The following CDC20B variants were observed in gnomAD, a reference collection of about 807,000 sequenced individuals.
CDC20B encodes the protein cell division cycle protein 20 homolog B.
CDC20B carries 58 observed loss-of-function variants against 64.1 expected under a neutral mutation model. That is an observed-to-expected ratio of 0.90 (90% confidence interval 0.73 to 1.13). The LOEUF is 1.13. Ranked by LOEUF, CDC20B falls within the 50% of genes most tolerant of loss-of-function variation. The pLI is 0.00. For synonymous variants in CDC20B, 243 were observed against 230.6 expected, an observed-to-expected ratio of 1.05 and a Z score of -0.49; for missense variants, 597 against 633.0, an observed-to-expected ratio of 0.94 and a Z score of 0.61.
intron 2 of CDC20B, among the ~76,000 whole-genome samples, chr5:55,156,657 C>T (rs192171984): frequency 1.5e-4 from 23 of 152,218 alleles, no homozygotes; most frequent in Admixed American, 1.3e-3. Context: ...GGGCAGCTCA[C>T]GAGATCAGGA....
chr5:55,116,437 C>T (rs534991450), intron 11 of CDC20B, among the ~76,000 whole-genome samples: 16 of 152,164 alleles, frequency 1.1e-4, no homozygotes, highest in African/African-American at 3.6e-4. Flanking sequence ...TAGAACATTA[C>T]TCTAATGCTT....
intron 5 of CDC20B, among the ~76,000 whole-genome samples, chr5:55,138,968 A>C (rs1743257684): frequency 6.6e-6 from 1 of 152,086 alleles, no homozygotes. Context: ...AAAATATTAA[A>C]AAATAATTCA....
rs1254127458 is a variant in CDC20B at position 55,128,499 on chromosome 5, A to G, written c.816T>C (p.Thr272=). 5 of 1,612,228 alleles carry G rather than the reference A, an allele frequency of 3.1e-6. No individual in the cohort carries two copies. Among genetic ancestry groups the G allele is most frequent in the South Asian group, 2.2e-5 (2 of 90,580 alleles). ...AGGACACAGAAGAGATATAGTTACA[A>G]GTGAGACTTAAGTCTATGTTTTCAA... is the stretch of plus-strand genomic sequence containing the variant. The part of the protein sequence containing the change: ...NGIENIDLSL[T]CNYISSVSWI... Residue 272 remains threonine, a synonymous_variant, in exon 7 of 12, where the codon ACT becomes ACC. Coordinates refer to ENST00000381375, the MANE Select transcript of CDC20B (RefSeq NM_001170402.1).
chr5:55,145,312 A>T (rs756082974), intron 3 of CDC20B, among the ~76,000 whole-genome samples: 5 of 152,224 alleles, frequency 3.3e-5, no homozygotes, highest in Non-Finnish European at 7.3e-5. Flanking sequence ...ATTTGAAAAA[A>T]ATCTGGGCTC....
In CDC20B at chr5:55,127,309, C is replaced by A. The variant is rs1742917853; in HGVS notation, c.937G>T (p.Gly313Cys). The change falls in exon 8 of 12, where the codon GGT becomes TGT. Residue 313 changes from glycine to cysteine, a missense_variant. Gly to Cys is a radical substitution (Grantham distance 159). This residue lies in a region of CDC20B where 353 missense variants were observed against 397.0 expected (regional missense o/e 0.89). Coordinates refer to ENST00000381375, the MANE Select transcript of CDC20B (RefSeq NM_001170402.1). Reference sequence around the variant, plus strand: ...AGAGCCCCAACTACTGACAAATGACCAAGCATATTTCTCAGCCGCTTTTTA... The same window carrying A: ...AGAGCCCCAACTACTGACAAATGACAAAGCATATTTCTCAGCCGCTTTTTA... The part of the protein sequence containing the change: ...VTKKRLRNML[G>C]HLSVVGALSW... 2 of 1,613,974 alleles carry A rather than the reference C, an allele frequency of 1.2e-6. No homozygotes were observed. Among genetic ancestry groups the A allele is most frequent in the Non-Finnish European group, 1.7e-6 (2 of 1,179,980 alleles).
At chr5:55,170,183 C>G (rs1744551568) in intron 2 of CDC20B, among the ~76,000 whole-genome samples, 1 of 151,676 alleles carries the variant, frequency 6.6e-6, no homozygotes. Context: ...TCTGGGGACA[C>G]ATTGTAGGTC....
intron 2 of CDC20B, among the ~76,000 whole-genome samples, chr5:55,153,240 TAAAA>T (rs1206577177): frequency 2.3e-5 from 2 of 87,658 alleles, no homozygotes; most frequent in African/African-American, 5.2e-5. Flanking sequence ...CCTTGTCTCA[TAAAA>T]AAAAAAAAAA....
rs1742684768 is a variant in CDC20B, at chr5:55,118,785, T to C, written c.1459+1016A>G. Among the ~76,000 whole-genome samples the C allele has an allele frequency of 2.0e-5, 3 of 152,306 alleles. No individual in the cohort carries two copies. The South Asian group carries it at 6.2e-4, about 32-fold the overall frequency. On this transcript the variant is annotated intron_variant, in intron 11 of 11. Coordinates refer to ENST00000381375, the MANE Select transcript of CDC20B (RefSeq NM_001170402.1). ...CAGCTGAAGAATACAAAGGTCATTC[T>C]GAGGCTGAGGTCCAGTCGGGCTCAT...
At chr5:55,163,122 A>G (rs986090924) in intron 2 of CDC20B, among the ~76,000 whole-genome samples, 36 of 152,348 alleles carry the variant, frequency 2.4e-4, no homozygotes, top group Middle Eastern at 3.4e-3. Flanking sequence ...TTTTAGTTAT[A>G]ATTATTATAT....
At position 55,127,178 on chromosome 5, in the gene CDC20B, G is replaced by T. The variant is rs1323319671; in HGVS notation, c.989+79C>A. 3.1e-6 allele frequency: 4 copies of T among 1,271,642 alleles called. No homozygotes were observed. In the East Asian group the frequency reaches 9.3e-5, roughly 29 times the overall value. 78.8% of individuals were successfully genotyped at this position (1,271,642 alleles called of 1,614,324 possible). A position where few individuals can be genotyped will look rare whatever the true frequency, so the allele number is the denominator to read the frequency against. On this transcript the variant is annotated intron_variant, in intron 8 of 11. Coordinates refer to ENST00000381375, the MANE Select transcript of CDC20B (RefSeq NM_001170402.1). ...TTTATTTTTGATTGGTTTAGGTTTT[G>T]AATATTACAACTGTTTACTCAGGCC...
intron 1 of CDC20B, 81 bp downstream of exon 1, chr5:55,172,857 G>T (rs1264512297): frequency 3.6e-5 from 48 of 1,342,166 alleles, no homozygotes; most frequent in Non-Finnish European, 4.9e-5. Flanking sequence ...ACCACCTCTT[G>T]GTCCTAAACA....
At chr5:55,142,089 C>T (rs1165756645) in intron 4 of CDC20B, among the ~76,000 whole-genome samples, 4 of 152,112 alleles carry the variant, frequency 2.6e-5, no homozygotes, top group Admixed American at 1.3e-4. Context: ...GTTTAGCAGG[C>T]GCTTCTGTTC....
intron 2 of CDC20B, chr5:55,164,206 A>G: frequency 6.4e-7 from 1 of 1,555,832 alleles, no homozygotes; most frequent in Non-Finnish European, 8.7e-7. Context: ...TAAAAAAGAA[A>G]GAGGATCTAT....
At chr5:55,120,021 C>T (rs890588291) in intron 10 of CDC20B, 103 bp from the exon 11 acceptor site, 1 of 815,594 alleles carries the variant, frequency 1.2e-6, no homozygotes, top group East Asian at 2.5e-5. Context: ...ACCCAACCTC[C>T]AGTACAGCTG....
At chr5:55,168,239 G>C (rs1163684785) in intron 2 of CDC20B, among the ~76,000 whole-genome samples, 1 of 152,106 alleles carries the variant, frequency 6.6e-6, no homozygotes, top group Non-Finnish European at 1.5e-5. Flanking sequence ...AGCAGAGAGA[G>C]AGAAATTAGG....
chr5:55,151,376 A>T lies in CDC20B; in HGVS notation c.127-4520T>A, dbSNP rs575231769. On this transcript the variant is annotated intron_variant, in intron 2 of 11. Transcript: ENST00000381375. ...TGCAACGGCTCCACTATGTCCAGGT[A>T]GCCCTTACCCTCACAGGTACCAAGA... Among the ~76,000 whole-genome samples the T allele has an allele frequency of 3.9e-5, 6 of 152,302 alleles. No individual in the cohort carries two copies. The South Asian group carries it at 1.2e-3, about 32-fold the overall frequency.
chr5:55,171,641 C>T (rs1170723321), intron 2 of CDC20B, among the ~76,000 whole-genome samples: 1 of 152,074 alleles, frequency 6.6e-6, no homozygotes, highest in East Asian at 1.9e-4. Flanking sequence ...CTGGCTCTGT[C>T]CTCCAGGCTG....
intron 6 of CDC20B, 47 bp downstream of exon 6, chr5:55,133,365 C>G: frequency 3.3e-6 from 3 of 912,464 alleles, no homozygotes; most frequent in Non-Finnish European, 5.0e-6. Context: ...GCACAGGATG[C>G]ATTTTGTCAT....
At chr5:55,167,851 G>A (rs777923604) in intron 2 of CDC20B, among the ~76,000 whole-genome samples, 4 of 151,992 alleles carry the variant, frequency 2.6e-5, no homozygotes, top group East Asian at 1.9e-4. Flanking sequence ...GCAACAGAGC[G>A]AGACCCCATC....
Sources: gnomAD v4.1 joint callset for allele counts (sites outside exome capture counted in the v4.1 genomes callset) on GRCh38, gnomAD v4.1.1 for gene constraint, gnomAD v4.1.1 regional missense constraint, MANE v1.5 for transcripts, NCBI Gene and HGNC (gene_info 2026-07-23, HGNC 2026-07-21) for gene names.